The following ZNF469 variants were observed in gnomAD, a reference collection of about 807,000 sequenced individuals.
ZNF469 encodes the protein zinc finger protein 469.
In ZNF469, 1 loss-of-function variant was observed where a neutral mutation model predicts 1.0. The ratio of observed to expected loss-of-function variants is 1.00; its 90% CI spans 0.35 to 4.73. The LOEUF is 4.73. ZNF469 is among the 30% of genes most tolerant of loss of function. The probability of loss-of-function intolerance (pLI) is 0.16; values close to 1 mark genes in which losing one functional copy is unlikely to be tolerated. For synonymous variants in ZNF469, 2,703 were observed against 2,363.4 expected (o/e 1.14, Z -4.17); for missense variants, 6,100 against 5,356.3 (o/e 1.14, Z -4.33).
At chr16:88,142,645 G>A in the ZNF469 span, among the ~76,000 whole-genome samples, 2 of 152,152 alleles carry the variant, frequency 1.3e-5, no homozygotes, top group Non-Finnish European at 1.5e-5. Context: ...CCTGGGGCTC[G>A]AACTCTATTG....
chr16:88,258,557 T>G, the ZNF469 span, among the ~76,000 whole-genome samples: 1 of 152,008 alleles, frequency 6.6e-6, no homozygotes, highest in African/African-American at 2.4e-5. Flanking sequence ...TTTAAGGCAG[T>G]AATATTGGAG....
At chr16:88,158,247 T>C in the ZNF469 span, among the ~76,000 whole-genome samples, 2 of 137,228 alleles carry the variant, frequency 1.5e-5, no homozygotes, top group African/African-American at 2.8e-5. Flanking sequence ...AGGCGGGAGA[T>C]GGGAGGTGGG....
chr16:88,432,578 C>T lies in ZNF469; in HGVS notation c.5108C>T (p.Ser1703Phe). The change falls in exon 3 of 3, where the codon TCC becomes TTC. Residue 1703 changes from serine (S) to phenylalanine (F), a missense_variant. By Grantham distance (155) the Ser-to-Phe change is radical (BLOSUM62 -2). Coordinates refer to ENST00000565624, the MANE Select transcript of ZNF469 (RefSeq NM_001367624.2). Reference protein sequence around the residue: ...HFQPVQKAGASKTGLCQAEGD... With the variant: ...HFQPVQKAGAFKTGLCQAEGD... The stretch of plus-strand genomic sequence containing the variant: ...CAGCCAGTGCAGAAAGCCGGAGCCT[C>T]CAAGACTGGACTTTGCCAGGCAGAA... 6.4e-7 allele frequency: 1 copy of T among 1,550,440 alleles called. No homozygotes were observed. The highest frequency in any genetic ancestry group is 1.4e-5 in the African/African-American group (1 of 73,182).
In ZNF469 at chr16:88,433,061, C is replaced by T; in HGVS notation, c.5591C>T (p.Ser1864Leu). ...GNEFAPAGASSLTAPRGREAW... is the reference protein window; with the variant it reads ...GNEFAPAGASLLTAPRGREAW... ...GAGTTTGCACCGGCGGGGGCCTCCT[C>T]ACTGACTGCCCCCCGGGGCAGGGAG... Residue 1864 changes from serine (S) to leucine (L), a missense_variant, in exon 3 of 3, where the codon TCA becomes TTA. Transcript: ENST00000565624. The T allele has an allele frequency of 6.5e-7, 1 of 1,550,284 alleles. No individual in the cohort carries two copies. Among genetic ancestry groups the T allele is most frequent in the African/African-American group, 1.4e-5 (1 of 73,162 alleles).
At chr16:88,372,882 T>A in the ZNF469 span, among the ~76,000 whole-genome samples, 1,826 of 152,024 alleles carry the variant, frequency 0.012, 41 homozygotes, top group African/African-American at 0.043. Flanking sequence ...ATCTTCACCA[T>A]CATCACCACC....
the ZNF469 span, among the ~76,000 whole-genome samples, chr16:88,233,044 C>G: frequency 1.3e-5 from 2 of 152,310 alleles, no homozygotes; most frequent in East Asian, 3.9e-4. Context: ...GCTGGCTCAG[C>G]CTCCCACGGC....
rs200668806 is a variant in ZNF469, at chr16:88,438,358, C to T, written c.10888C>T (p.Arg3630Cys). The change falls in exon 3 of 3, where the codon CGT (arginine) becomes TGT (cysteine). Residue 3630 changes from arginine to cysteine, a missense_variant. Coordinates refer to ENST00000565624, the MANE Select transcript of ZNF469 (RefSeq NM_001367624.2). ...AGGGAAACGCAGGGCCCCGGGTGCCCGTGGCAGGTGTGCCCCTGACCATTT... is the reference window on the plus strand; with the variant it reads ...AGGGAAACGCAGGGCCCCGGGTGCCTGTGGCAGGTGTGCCCCTGACCATTT... Reference protein sequence around the residue: ...FSGKRRAPGARGRCAPDHFQE... With the variant: ...FSGKRRAPGACGRCAPDHFQE... 3.1e-3 allele frequency: 4,771 copies of T among 1,550,196 alleles called. 12 individuals are homozygous for T. Among genetic ancestry groups the T allele is most frequent in the Non-Finnish European group, 3.9e-3 (4,427 of 1,146,956 alleles).
At chr16:88,329,365 T>A in the ZNF469 span, among the ~76,000 whole-genome samples, 1 of 152,216 alleles carries the variant, frequency 6.6e-6, no homozygotes, top group Non-Finnish European at 1.5e-5. Flanking sequence ...AGGGAGGGTG[T>A]GTGAGACGTG....
At chr16:88,227,721 G>C in the ZNF469 span, among the ~76,000 whole-genome samples, 2 of 152,086 alleles carry the variant, frequency 1.3e-5, no homozygotes, top group Admixed American at 6.5e-5. Flanking sequence ...TGATGGAGAC[G>C]TTGTTTCCCG....
At chr16:88,260,902 G>A in the ZNF469 span, among the ~76,000 whole-genome samples, 741 of 152,342 alleles carry the variant, frequency 4.9e-3, 6 homozygotes, top group African/African-American at 0.017. The surrounding 1 kb of genome is among the most constrained non-coding windows in gnomAD (Gnocchi z 4.1). Context: ...AAGACACGGA[G>A]AAAAGGAGGA....
chr16:88,187,697 T>G, the ZNF469 span, among the ~76,000 whole-genome samples: 1 of 150,624 alleles, frequency 6.6e-6, no homozygotes, highest in Non-Finnish European at 1.5e-5. Flanking sequence ...TAGTCCAACT[T>G]AATTCCAGAT....
At chr16:88,361,300 T>C in the ZNF469 span, among the ~76,000 whole-genome samples, 3 of 152,162 alleles carry the variant, frequency 2.0e-5, no homozygotes, top group Non-Finnish European at 2.9e-5. Context: ...CTACTACTCA[T>C]CTCCTGCTGT....
At chr16:88,377,224 C>T in the ZNF469 span, among the ~76,000 whole-genome samples, 2 of 152,224 alleles carry the variant, frequency 1.3e-5, no homozygotes, top group Non-Finnish European at 2.9e-5. Flanking sequence ...AGGCAGGAGC[C>T]GGGGTGGTGC....
At chr16:88,414,513 G>A (rs912041102) in intron 1 of ZNF469, among the ~76,000 whole-genome samples, 11 of 152,258 alleles carry the variant, frequency 7.2e-5, no homozygotes, top group Non-Finnish European at 1.5e-4. Flanking sequence ...GGAGAGAGCC[G>A]TGAGGGCAGA....
At chr16:88,184,005 G>A in the ZNF469 span, among the ~76,000 whole-genome samples, 1 of 151,946 alleles carries the variant, frequency 6.6e-6, no homozygotes, top group Non-Finnish European at 1.5e-5. Flanking sequence ...TGTTCCTACC[G>A]GGAAGGAGGA....
chr16:88,426,936 G>C (rs775983084), intron 2 of ZNF469, among the ~76,000 whole-genome samples: 1 of 152,154 alleles, frequency 6.6e-6, no homozygotes, highest in African/African-American at 2.4e-5. Flanking sequence ...GACGCTGCCA[G>C]GACCCTGCCC....
the ZNF469 span, among the ~76,000 whole-genome samples, chr16:88,187,399 A>T: frequency 1.3e-5 from 2 of 152,230 alleles, no homozygotes; most frequent in Admixed American, 6.5e-5. Flanking sequence ...AATGCAGATG[A>T]AATTGCATAC....
the ZNF469 span, among the ~76,000 whole-genome samples, chr16:88,145,277 G>A: frequency 6.6e-6 from 1 of 152,162 alleles, no homozygotes; most frequent in Non-Finnish European, 1.5e-5. Flanking sequence ...AATTATTTTG[G>A]AGCATTTCAA....
the ZNF469 span, among the ~76,000 whole-genome samples, chr16:88,218,328 G>C: frequency 0.024 from 2,591 of 107,026 alleles, no homozygotes; most frequent in South Asian, 0.027. Flanking sequence ...GTTCATTGTA[G>C]ATTCTGGATA....
Sources: allele counts gnomAD v4.1 joint callset (sites outside exome capture counted in the v4.1 genomes callset), GRCh38; gene constraint gnomAD v4.1.1; non-coding constraint Gnocchi (gnomAD v3.1); transcripts MANE v1.5; gene names NCBI Gene and HGNC (gene_info 2026-07-23, HGNC 2026-07-21).